The following EPC1 variants were observed in gnomAD, a reference collection of about 807,000 sequenced individuals.
EPC1 encodes enhancer of polycomb homolog 1.
In EPC1, 12 loss-of-function variants were observed where a neutral mutation model predicts 98.4. That is an observed-to-expected ratio of 0.12 (90% CI 0.08 to 0.20). The LOEUF (loss-of-function observed/expected upper bound fraction) is 0.20. Among genes scored for constraint, EPC1 ranks in the 10% least tolerant of loss-of-function variants. The probability of loss-of-function intolerance (pLI) is 1.00; values close to 1 mark genes in which losing one functional copy is unlikely to be tolerated. For missense variants in EPC1, 729 were observed against 990.5 expected, an observed-to-expected ratio of 0.74 and a Z score of 3.54; for synonymous variants, 357 against 363.9, an observed-to-expected ratio of 0.98 and a Z score of 0.21.
chr10:32,276,188 A>T (rs1836083774), intron 10 of EPC1, among the ~76,000 whole-genome samples: 1 of 152,156 alleles, frequency 6.6e-6, no homozygotes, highest in Non-Finnish European at 1.5e-5. Flanking sequence ...TGAGAAAGTA[A>T]ATCTTTTGGG....
chr10:32,298,093 G>C (rs1835283221), intron 2 of EPC1, among the ~76,000 whole-genome samples: 1 of 152,124 alleles, frequency 6.6e-6, no homozygotes, highest in Non-Finnish European at 1.5e-5. Context: ...CACCGCGCCT[G>C]GCCAGTTAGA....
rs897634349 is a variant in EPC1, at chr10:32,285,030, T to A, written c.1412A>T (p.His471Leu). 3.1e-6 allele frequency: 5 copies of A among 1,613,952 alleles called. No homozygotes were observed. The highest frequency in any genetic ancestry group is 3.4e-6 in the Non-Finnish European group (4 of 1,179,902). ...GTGAAACACACTGTCATAGTCTGAA[T>A]GAGCTCTGTCCAGTAAGACCCTATT... ...RGGRVLLDRA[H>L]SDYDSVFHHL... Residue 471 changes from histidine (H) to leucine (L), a missense_variant, in exon 10 of 14, where the codon CAT (histidine) becomes CTT (leucine). Physicochemically the swap from His to Leu is moderately conservative, Grantham distance 99 (BLOSUM62 -3). Transcript: ENST00000319778.
chr10:32,310,188 T>C (rs940262947), intron 1 of EPC1, among the ~76,000 whole-genome samples: 6 of 152,046 alleles, frequency 3.9e-5, no homozygotes, highest in African/African-American at 1.4e-4. Context: ...GAGTGAGATA[T>C]TGTCTCAAAA....
At chr10:32,316,579 A>T (rs1836561971) in intron 1 of EPC1, among the ~76,000 whole-genome samples, 1 of 152,232 alleles carries the variant, frequency 6.6e-6, no homozygotes, top group African/African-American at 2.4e-5. Context: ...AAAGTACATC[A>T]ATGAAGTTCT....
rs201847564 is a variant in EPC1, at chr10:32,312,740, GCA to G, written c.154-6811_154-6810del. 6.5e-3 allele frequency among the ~76,000 whole-genome samples: 991 copies of G among 152,170 alleles called. 10 individuals are homozygous for G. Among genetic ancestry groups the G allele is most frequent in the African/African-American group, 0.023 (938 of 41,508 alleles). The stretch of plus-strand genomic sequence containing the variant: ...TGTGCATGTACACATACATGTGCAC[GCA>G]CACACAGTTTTAAAAAACATTTTTA... On this transcript the variant is annotated intron_variant, in intron 1 of 13. Coordinates refer to ENST00000319778, the MANE Select transcript of EPC1 (RefSeq NM_001272004.3).
intron 1 of EPC1, among the ~76,000 whole-genome samples, chr10:32,329,256 T>G (rs1227464439): frequency 2.0e-5 from 3 of 152,198 alleles, no homozygotes; most frequent in Non-Finnish European, 4.4e-5. Flanking sequence ...TCCACTGCAG[T>G]GTACACAATG....
chr10:32,293,708 A>C lies in EPC1; in HGVS notation c.343T>G (p.Tyr115Asp). ...PFSLDAEQPD[Y>D]DLDSEDEVFV... Reference sequence around the variant, plus strand: ...ACTTCATCTTCAGAATCCAAATCATAATCAGGCTGTTCAGCATCCAAACTA... The same window carrying C: ...ACTTCATCTTCAGAATCCAAATCATCATCAGGCTGTTCAGCATCCAAACTA... Residue 115 changes from tyrosine to aspartate, a missense_variant, in exon 3 of 14, where the codon TAT (tyrosine) becomes GAT (aspartate). Tyr to Asp is a radical substitution (Grantham distance 160, BLOSUM62 -3). Around this residue, in one of 6 missense-constraint regions of EPC1, gnomAD observed 94 missense variants for 125.1 expected, o/e 0.75. Coordinates refer to ENST00000319778, the MANE Select transcript of EPC1 (RefSeq NM_001272004.3). 6.2e-7 allele frequency: 1 copy of C among 1,613,312 alleles called. No individual in the cohort carries two copies. The highest frequency in any genetic ancestry group is 8.5e-7 in the Non-Finnish European group (1 of 1,179,648).
At chr10:32,316,644 T>G (rs1385044961) in intron 1 of EPC1, among the ~76,000 whole-genome samples, 2 of 152,190 alleles carry the variant, frequency 1.3e-5, no homozygotes, top group African/African-American at 2.4e-5. Context: ...TAGTTCCCTC[T>G]GGGAAGTGGA....
intron 2 of EPC1, among the ~76,000 whole-genome samples, chr10:32,293,965 A>G (rs1834995489): frequency 6.6e-6 from 1 of 152,240 alleles, no homozygotes; most frequent in East Asian, 1.9e-4. Flanking sequence ...AATAAAAGAC[A>G]ATGGATGCGA....
intron 1 of EPC1, among the ~76,000 whole-genome samples, chr10:32,312,953 C>G (rs1470950957): frequency 6.6e-6 from 1 of 152,076 alleles, no homozygotes; most frequent in Non-Finnish European, 1.5e-5. Flanking sequence ...TGAGATTATA[C>G]AAGTGTAAAT....
chr10:32,279,467 T>C (rs1329700721), intron 10 of EPC1, among the ~76,000 whole-genome samples: 1 of 152,168 alleles, frequency 6.6e-6, no homozygotes, highest in African/African-American at 2.4e-5. Context: ...GAGTTCCTTT[T>C]CCACAGTAGG....
chr10:32,347,039 G>GC lies in EPC1; in HGVS notation c.-125dup. 1.4e-6 allele frequency: 2 copies of GC among 1,479,184 alleles called. No individual in the cohort carries two copies. Among genetic ancestry groups the GC allele is most frequent in the Admixed American group, 4.7e-5 (2 of 42,486 alleles). 91.6% of individuals were successfully genotyped at this position (1,479,184 alleles called of 1,614,324 possible). On this transcript the variant is annotated 5_prime_UTR_variant, in exon 1 of 14. Transcript: ENST00000319778. ...GGGGACTTGAGGGGCGGAGCGCAGA[G>GC]CCCGCCGTCCGGGCACTAACACCAG...
chr10:32,299,358 G>C (rs901502236), intron 2 of EPC1, among the ~76,000 whole-genome samples: 1 of 151,902 alleles, frequency 6.6e-6, no homozygotes, highest in African/African-American at 2.4e-5. Flanking sequence ...GCTAATTTTT[G>C]TATTTTTAGT....
chr10:32,371,112 T>A (rs1052206510), intron 1 of EPC1, among the ~76,000 whole-genome samples: 2 of 152,252 alleles, frequency 1.3e-5, no homozygotes, highest in African/African-American at 4.8e-5. Flanking sequence ...GACAAATGAA[T>A]GAACACCTTC....
intron 1 of EPC1, among the ~76,000 whole-genome samples, chr10:32,321,238 C>A (rs1040510122): frequency 6.6e-6 from 1 of 152,156 alleles, no homozygotes; most frequent in South Asian, 2.1e-4. Context: ...GCTGCTTTTG[C>A]CCTTCACCAA....
rs917488647 is a variant in EPC1, at chr10:32,284,930, A to G, written c.1512T>C (p.Asn504=). 1.2e-6 allele frequency: 2 copies of G among 1,614,158 alleles called. No homozygotes were observed. The highest frequency in any genetic ancestry group is 1.7e-6 in the Non-Finnish European group (2 of 1,180,020). ...CTTTAGAGAAAGATTTGTCCGAGGT[A>G]TTTGTTTCTGAGGTATTGGCAAACT... ...VNQFANTSET[N]TSDKSFSKDL... The change falls in exon 10 of 14, where the codon AAT becomes AAC. Residue 504 remains asparagine (N), a synonymous_variant. Coordinates refer to ENST00000319778, the MANE Select transcript of EPC1 (RefSeq NM_001272004.3).
chr10:32,336,401 TTCC>T (rs1194221945), intron 1 of EPC1, among the ~76,000 whole-genome samples: 4 of 152,040 alleles, frequency 2.6e-5, no homozygotes, highest in African/African-American at 7.2e-5. Flanking sequence ...CATCCCTGTC[TTCC>T]TCCTTTCTAC....
intron 5 of EPC1, chr10:32,291,674 A>C (rs1280097424): frequency 6.4e-6 from 1 of 155,370 alleles, no homozygotes; most frequent in East Asian, 1.8e-4. Context: ...TTGGAAAGTT[A>C]GTTTTATAAG....
Position 32,363,268 on chromosome 10 carries a change from T to C in EPC1, c.3+15223A>G, listed in dbSNP as rs545447077. Among the ~76,000 whole-genome samples, 14 of 152,292 alleles carry C rather than the reference T, an allele frequency of 9.2e-5. No homozygotes were observed. The East Asian group carries it at 2.1e-3, about 23-fold the overall frequency. On this transcript the variant is annotated intron_variant, in intron 1 of 13. Transcript: ENST00000375110. The stretch of plus-strand genomic sequence containing the variant: ...TTTATATTTTTTTGCAGAGAAAATT[T>C]TGTATTTTCACCATGTTGCCCAGGC...
Sources: allele counts gnomAD v4.1 joint callset (sites outside exome capture counted in the v4.1 genomes callset), GRCh38; gene constraint gnomAD v4.1.1; regional missense constraint gnomAD v4.1.1; transcripts MANE v1.5; gene names NCBI Gene and HGNC (gene_info 2026-07-23, HGNC 2026-07-21).